Variants in CRPPA observed in about 807,000 individuals in gnomAD.
CRPPA encodes the protein D-ribitol-5-phosphate cytidylyltransferase.
Under a neutral mutation model 52.0 loss-of-function variants are expected in CRPPA, and 43 were observed. The observed-to-expected ratio is 0.83, with a 90% confidence interval of 0.65 to 1.07. The LOEUF is 1.07. Among genes scored for constraint, CRPPA ranks in the 50% least tolerant of loss-of-function variants. The pLI is 0.00. For missense variants in CRPPA, 629 were observed against 551.7 expected (o/e 1.14, Z -1.40); for synonymous variants, 250 against 203.5 (o/e 1.23, Z -1.94).
chr7:16,302,603 A>T (rs879885461), intron 4 of CRPPA, among the ~76,000 whole-genome samples: 2 of 152,162 alleles, frequency 1.3e-5, no homozygotes, highest in Non-Finnish European at 2.9e-5. Context: ...AGAAATTCCT[A>T]CCATATTATT....
intron 3 of CRPPA, among the ~76,000 whole-genome samples, chr7:16,362,974 C>A (rs2128309625): frequency 6.6e-6 from 1 of 152,004 alleles, no homozygotes; most frequent in South Asian, 2.1e-4. Flanking sequence ...AATACTATGC[C>A]CATAAACTTG....
At chr7:16,112,081 A>G (rs1949953) in intron 9 of CRPPA, among the ~76,000 whole-genome samples, 120,141 of 152,086 alleles carry the variant, frequency 0.79, 48,812 homozygotes, top group Admixed American at 0.88. Flanking sequence ...TTGGGAGGCT[A>G]AGGCGGGAAG....
chr7:16,094,434 A>T (rs1781895692), intron 9 of CRPPA, among the ~76,000 whole-genome samples: 1 of 152,176 alleles, frequency 6.6e-6, no homozygotes, highest in Non-Finnish European at 1.5e-5. Flanking sequence ...AACACAGGAA[A>T]AAAATGCAAA....
intron 3 of CRPPA, among the ~76,000 whole-genome samples, chr7:16,340,425 C>T (rs572482189): frequency 6.6e-6 from 1 of 151,838 alleles, no homozygotes; most frequent in East Asian, 1.9e-4. Context: ...AAATAATGAG[C>T]CCAAGACCTT....
intron 9 of CRPPA, among the ~76,000 whole-genome samples, chr7:16,094,022 A>G (rs1398613472): frequency 6.6e-6 from 1 of 152,214 alleles, no homozygotes; most frequent in Non-Finnish European, 1.5e-5. Flanking sequence ...GAAATTAAGG[A>G]AAAACTGTTT....
At chr7:16,117,638 C>T (rs1782402724) in intron 9 of CRPPA, among the ~76,000 whole-genome samples, 1 of 152,228 alleles carries the variant, frequency 6.6e-6, no homozygotes, top group Non-Finnish European at 1.5e-5. Flanking sequence ...TTGGAAGTGG[C>T]TTTGGCAGCT....
At chr7:16,277,933 C>G (rs1392212734) in intron 6 of CRPPA, among the ~76,000 whole-genome samples, 196 bp downstream of exon 6, 1 of 152,050 alleles carries the variant, frequency 6.6e-6, no homozygotes, top group Admixed American at 6.6e-5. Context: ...GAAAAAAATC[C>G]ACAAAAGGAA....
At chr7:16,225,936 A>G (rs995860792) in intron 8 of CRPPA, among the ~76,000 whole-genome samples, 2 of 151,912 alleles carry the variant, frequency 1.3e-5, no homozygotes, top group Admixed American at 1.3e-4. Context: ...AAAACTTTTT[A>G]GAAGATGAGG....
intron 3 of CRPPA, among the ~76,000 whole-genome samples, chr7:16,364,103 A>G (rs1186700235): frequency 1.3e-5 from 2 of 152,222 alleles, no homozygotes; most frequent in South Asian, 2.1e-4. Flanking sequence ...TATAAAATTT[A>G]CTGAGGGTAG....
intron 3 of CRPPA, among the ~76,000 whole-genome samples, chr7:16,340,925 A>T (rs761680042): frequency 5.9e-5 from 9 of 152,146 alleles, no homozygotes; most frequent in Non-Finnish European, 7.4e-5. Context: ...TTTACTTCTA[A>T]AAAGAAACTA....
chr7:16,118,322 C>T (rs1461845510), intron 9 of CRPPA, among the ~76,000 whole-genome samples: 1 of 152,166 alleles, frequency 6.6e-6, no homozygotes, highest in East Asian at 1.9e-4. Context: ...AGCCAGCCAA[C>T]CAAGAACACA....
intron 3 of CRPPA, among the ~76,000 whole-genome samples, chr7:16,346,644 C>T (rs1344990449): frequency 1.3e-5 from 2 of 152,040 alleles, no homozygotes; most frequent in African/African-American, 4.8e-5. Flanking sequence ...GAATAATGTA[C>T]TCACACCCTT....
intron 3 of CRPPA, among the ~76,000 whole-genome samples, chr7:16,371,156 C>T (rs1786738939): frequency 6.6e-6 from 1 of 152,164 alleles, no homozygotes; most frequent in Non-Finnish European, 1.5e-5. Context: ...TTTATCAAGG[C>T]TAGGACCTCT....
Position 16,119,295 on chromosome 7 carries a change from T to C in CRPPA, c.1252-27496A>G, listed in dbSNP as rs553173918. 3.3e-5 allele frequency among the ~76,000 whole-genome samples: 5 copies of C among 152,106 alleles called. No homozygotes were observed. In the East Asian group the frequency reaches 9.7e-4, roughly 30 times the overall value. ...CCTGGGCAGGCACACAGTAGGATCA[T>C]AGAAAGTGGGTGCTGAATTGAATCA... On this transcript the variant is annotated intron_variant, in intron 9 of 9. Transcript: ENST00000407010.
intron 9 of CRPPA, among the ~76,000 whole-genome samples, chr7:16,200,587 T>C (rs1241082055): frequency 2.6e-5 from 4 of 152,216 alleles, no homozygotes; most frequent in Non-Finnish European, 5.9e-5. Flanking sequence ...TTTTTAGACA[T>C]ATAATTAATC....
Position 16,221,607 on chromosome 7 carries a change from C to A in CRPPA, c.1120-5410G>T, listed in dbSNP as rs1234897127. Among the ~76,000 whole-genome samples, 13 of 151,882 alleles carry A rather than the reference C, an allele frequency of 8.6e-5. No homozygotes were observed. The East Asian group carries it at 2.1e-3, about 25-fold the overall frequency. On this transcript the variant is annotated intron_variant, in intron 8 of 9. Coordinates refer to ENST00000407010, the MANE Select transcript of CRPPA (RefSeq NM_001101426.4). Reference sequence around the variant, plus strand: ...CTCAAACAAATTTACAAGAAAAAAACAAACAACCCCATCAGAAAGTGGGCG... The same window carrying A: ...CTCAAACAAATTTACAAGAAAAAAAAAAACAACCCCATCAGAAAGTGGGCG...
At chr7:16,375,947 T>C (rs1562662617) in intron 3 of CRPPA, 145 bp downstream of exon 3, 3 of 738,076 alleles carry the variant, frequency 4.1e-6, no homozygotes, top group Non-Finnish European at 6.1e-6. Flanking sequence ...TCCAGCTCTA[T>C]AACCTTAATA....
intron 9 of CRPPA, among the ~76,000 whole-genome samples, chr7:16,147,410 T>C (rs1373593062): frequency 6.6e-6 from 1 of 152,202 alleles, no homozygotes; most frequent in East Asian, 1.9e-4. Flanking sequence ...AGTAGCCTGA[T>C]ATAATTATGT....
chr7:16,355,228 A>C (rs115139587), intron 3 of CRPPA, among the ~76,000 whole-genome samples: 43 of 152,322 alleles, frequency 2.8e-4, no homozygotes, highest in African/African-American at 1.0e-3. Context: ...TAAAAATGGG[A>C]ATATCACTTA....
Sources: gnomAD v4.1 joint callset for allele counts (sites outside exome capture counted in the v4.1 genomes callset) on GRCh38, gnomAD v4.1.1 for gene constraint, MANE v1.5 for transcripts, NCBI Gene and HGNC (gene_info 2026-07-23, HGNC 2026-07-21) for gene names.